PPFIA2: variants seen among roughly 807,000 people sequenced by gnomAD.
The protein encoded by PPFIA2 is PPFI scaffold protein A2, also known as liprin-alpha-2.
In PPFIA2, 46 loss-of-function variants were observed where a neutral mutation model predicts 175.5. The observed-to-expected ratio is 0.26, with a 90% CI of 0.21 to 0.34. The LOEUF (loss-of-function observed/expected upper bound fraction) is 0.34, where lower values mean the gene tolerates loss of function less well. Ranked by LOEUF, PPFIA2 falls within the 10% of genes least tolerant of loss-of-function variation. The pLI is 1.00. For missense variants in PPFIA2, 1,179 were observed against 1,506.1 expected (o/e 0.78, Z 3.60); for synonymous variants, 568 against 511.4 (o/e 1.11, Z -1.49).
At chr12:81,607,501 C>A (rs1349641129) in intron 4 of PPFIA2, among the ~76,000 whole-genome samples, 1 of 151,978 alleles carries the variant, frequency 6.6e-6, no homozygotes, top group East Asian at 1.9e-4. Flanking sequence ...TCCTCTTGTA[C>A]AGAACTTTCA....
chr12:81,339,843 T>A (rs2057758227), intron 20 of PPFIA2, among the ~76,000 whole-genome samples: 1 of 152,132 alleles, frequency 6.6e-6, no homozygotes, highest in Admixed American at 6.6e-5. Flanking sequence ...TAATTTAAAA[T>A]CATCTGGGTG....
Position 81,715,142 on chromosome 12 carries a change from G to A in PPFIA2, c.250-38298C>T, listed in dbSNP as rs188718872. ...TTTACAAGATGGCACAAGAACCCTG[G>A]AACATACATTCAAATTTCTCAATAT... On this transcript the variant is annotated intron_variant, in intron 3 of 32. Coordinates refer to ENST00000549396, the MANE Select transcript of PPFIA2 (RefSeq NM_003625.5). Among the ~76,000 whole-genome samples, 494 of 150,956 alleles carry A rather than the reference G, an allele frequency of 3.3e-3. 4 individuals carry two copies. The highest frequency in any genetic ancestry group is 5.5e-3 in the Non-Finnish European group (374 of 67,736).
chr12:81,268,546 G>C (rs2038121531), intron 28 of PPFIA2, among the ~76,000 whole-genome samples: 1 of 152,168 alleles, frequency 6.6e-6, no homozygotes, highest in Admixed American at 6.5e-5. Context: ...CCCTTCATTT[G>C]TGTGTAGTTA....
At chr12:81,406,004 A>T in intron 7 of PPFIA2, 101 bp from the exon 8 acceptor site, 1 of 590,112 alleles carries the variant, frequency 1.7e-6, no homozygotes, top group Non-Finnish European at 2.9e-6. Flanking sequence ...ATGAACACTA[A>T]CAAATAACCA....
chr12:81,687,217 C>G (rs17689780), intron 3 of PPFIA2, among the ~76,000 whole-genome samples: 5,613 of 152,100 alleles, frequency 0.037, 132 homozygotes, highest in Middle Eastern at 0.068. Context: ...GAAAGATAAT[C>G]AAACCTCTGT....
At chr12:81,298,799 G>A (rs182608972) in intron 23 of PPFIA2, among the ~76,000 whole-genome samples, 1 of 152,312 alleles carries the variant, frequency 6.6e-6, no homozygotes, top group Admixed American at 6.5e-5. Context: ...AAGGGAATAA[G>A]GTGTAAGTCT....
intron 3 of PPFIA2, among the ~76,000 whole-genome samples, chr12:81,681,262 C>G (rs1293414577): frequency 2.0e-5 from 3 of 151,980 alleles, no homozygotes; most frequent in African/African-American, 4.8e-5. Flanking sequence ...AACATCATTT[C>G]AGATAATGAA....
intron 8 of PPFIA2, among the ~76,000 whole-genome samples, chr12:81,392,057 C>T (rs910790822): frequency 2.0e-5 from 3 of 151,738 alleles, no homozygotes; most frequent in Admixed American, 1.3e-4. Context: ...TCGATGGATT[C>T]CTCAGTCCTC....
intron 3 of PPFIA2, among the ~76,000 whole-genome samples, chr12:81,725,026 C>T (rs10735441): frequency 0.71 from 107,488 of 150,712 alleles, 40,936 homozygotes; most frequent in Middle Eastern, 0.87. Context: ...CCATTCTAAC[C>T]GGTTTAAGGT....
At chr12:81,716,174 T>A (rs990576819) in intron 3 of PPFIA2, among the ~76,000 whole-genome samples, 1 of 151,700 alleles carries the variant, frequency 6.6e-6, no homozygotes, top group African/African-American at 2.4e-5. Context: ...TTTTTATAAG[T>A]ATTAAATTAT....
chr12:81,266,914 A>T, intron 30 of PPFIA2, 38 bp downstream of exon 30: 1 of 1,449,218 alleles, frequency 6.9e-7, no homozygotes, highest in Admixed American at 1.7e-5. Flanking sequence ...TTTTTCTTTT[A>T]CTCTCTCAGA....
chr12:81,655,435 T>C (rs1209710723), intron 4 of PPFIA2, among the ~76,000 whole-genome samples: 1 of 151,738 alleles, frequency 6.6e-6, no homozygotes, highest in Non-Finnish European at 1.5e-5. Context: ...TTTAAAAATA[T>C]ATTATAAATT....
At chr12:81,457,662 T>C in intron 5 of PPFIA2, 103 bp downstream of exon 5, 1 of 629,670 alleles carries the variant, frequency 1.6e-6, no homozygotes, top group Non-Finnish European at 2.6e-6. Context: ...TTAAAGTAAT[T>C]ATAAAGTTTT....
chr12:81,421,576 T>G (rs2046248015), intron 7 of PPFIA2, among the ~76,000 whole-genome samples: 1 of 151,220 alleles, frequency 6.6e-6, no homozygotes, highest in African/African-American at 2.4e-5. Context: ...AGCAAATAAC[T>G]ACAAAAAACC....
chr12:81,488,578 T>C (rs2059096603), intron 4 of PPFIA2, among the ~76,000 whole-genome samples: 1 of 151,864 alleles, frequency 6.6e-6, no homozygotes, highest in Non-Finnish European at 1.5e-5. Flanking sequence ...AGCCTACTCT[T>C]AAGACACTGA....
At chr12:81,757,949 G>C (rs1271253113) in intron 2 of PPFIA2, among the ~76,000 whole-genome samples, 1 of 152,190 alleles carries the variant, frequency 6.6e-6, no homozygotes, top group Non-Finnish European at 1.5e-5. Context: ...AATTCAGTGA[G>C]AGAAATCCTA....
At chr12:81,621,404 T>G (rs961213311) in intron 4 of PPFIA2, among the ~76,000 whole-genome samples, 8 of 152,230 alleles carry the variant, frequency 5.3e-5, no homozygotes, top group Non-Finnish European at 1.0e-4. Flanking sequence ...ATTTTTATTC[T>G]AAGTAAGATC....
At chr12:81,721,622 C>T (rs910341668) in intron 3 of PPFIA2, among the ~76,000 whole-genome samples, 1 of 151,418 alleles carries the variant, frequency 6.6e-6, no homozygotes, top group East Asian at 2.0e-4. Flanking sequence ...TGTTCCACCA[C>T]CTACACATGC....
chr12:81,682,641 TTATG>T (rs2073841495), intron 3 of PPFIA2, among the ~76,000 whole-genome samples: 1 of 152,042 alleles, frequency 6.6e-6, no homozygotes, highest in African/African-American at 2.4e-5. Context: ...TAATGAAGTA[TTATG>T]TATATGTTAA....
Sources: gnomAD v4.1 joint callset for allele counts (sites outside exome capture counted in the v4.1 genomes callset) on GRCh38, gnomAD v4.1.1 for gene constraint, MANE v1.5 for transcripts, NCBI Gene and HGNC (gene_info 2026-07-23, HGNC 2026-07-21) for gene names.